LSAMP: variants seen among roughly 807,000 people sequenced by gnomAD.
LSAMP encodes limbic system associated membrane protein.
In LSAMP, 7 loss-of-function variants were observed where a neutral mutation model predicts 38.6. That is an observed-to-expected ratio of 0.18 (90% CI 0.10 to 0.34). The LOEUF (loss-of-function observed/expected upper bound fraction) is 0.34. LSAMP is among the 10% of genes least tolerant of loss of function. LSAMP has a pLI of 1.00. For missense variants in LSAMP, 313 were observed against 420.0 expected, an observed-to-expected ratio of 0.75 and a Z score of 2.23; for synonymous variants, 154 against 166.8, an observed-to-expected ratio of 0.92 and a Z score of 0.59.
chr3:116,290,217 G>A (rs2107692435), intron 1 of LSAMP, among the ~76,000 whole-genome samples: 1 of 152,280 alleles, frequency 6.6e-6, no homozygotes, highest in Admixed American at 6.5e-5. Context: ...AGGAATTGGA[G>A]TAGTAGCATT....
At chr3:115,878,338 G>A (rs1936236025) in intron 3 of LSAMP, among the ~76,000 whole-genome samples, 1 of 151,340 alleles carries the variant, frequency 6.6e-6, no homozygotes, top group Admixed American at 6.6e-5. Flanking sequence ...CAATGATGAA[G>A]TATTGTTGTT....
At chr3:115,864,447 C>T (rs1394006503) in intron 3 of LSAMP, among the ~76,000 whole-genome samples, 1 of 152,204 alleles carries the variant, frequency 6.6e-6, no homozygotes, top group African/African-American at 2.4e-5. Flanking sequence ...ATTGGTGCAG[C>T]ATCATTCCCT....
intron 2 of LSAMP, among the ~76,000 whole-genome samples, chr3:116,078,434 C>T (rs1707798380): frequency 6.6e-6 from 1 of 152,020 alleles, no homozygotes; most frequent in Admixed American, 6.6e-5. Context: ...ACTCCATTAT[C>T]CTGCCTCAGC....
At chr3:116,088,778 A>G (rs534330892) in intron 1 of LSAMP, among the ~76,000 whole-genome samples, 3 of 152,178 alleles carry the variant, frequency 2.0e-5, no homozygotes, top group Non-Finnish European at 4.4e-5. Context: ...TAAAAGAAAA[A>G]ATACCACGTA....
intron 2 of LSAMP, among the ~76,000 whole-genome samples, chr3:116,035,169 A>C (rs1304014573): frequency 6.6e-6 from 1 of 152,228 alleles, no homozygotes; most frequent in African/African-American, 2.4e-5. Context: ...GTAAAAAAGA[A>C]AAATTAGGAA....
At chr3:116,015,619 TCTTCAA>T (rs1225459735) in intron 3 of LSAMP, among the ~76,000 whole-genome samples, 1 of 152,166 alleles carries the variant, frequency 6.6e-6, no homozygotes, top group African/African-American at 2.4e-5. Context: ...TGCATAAATG[TCTTCAA>T]CTTCATCTAA....
chr3:115,853,748 C>T (rs1054996308), intron 3 of LSAMP, among the ~76,000 whole-genome samples: 1 of 152,146 alleles, frequency 6.6e-6, no homozygotes, highest in African/African-American at 2.4e-5. Flanking sequence ...CTAAACTGAA[C>T]CCCCTCACCC....
At chr3:116,391,698 C>A (rs2048701060) in intron 1 of LSAMP, among the ~76,000 whole-genome samples, 1 of 152,156 alleles carries the variant, frequency 6.6e-6, no homozygotes, top group Admixed American at 6.5e-5. Flanking sequence ...GTACTGATGG[C>A]AGCAGCAGAC....
chr3:116,195,718 G>GA (rs10631420), intron 1 of LSAMP, among the ~76,000 whole-genome samples: 74,953 of 139,362 alleles, frequency 0.54, 20,050 homozygotes, highest in East Asian at 0.69. Context: ...AAAAAAAAAT[G>GA]AAAAAAAAAA....
intron 1 of LSAMP, among the ~76,000 whole-genome samples, chr3:116,232,545 C>T (rs912786450): frequency 1.3e-5 from 2 of 152,076 alleles, no homozygotes; most frequent in African/African-American, 2.4e-5. Flanking sequence ...GTAGAACCTA[C>T]CTGGTTGCTT....
At chr3:115,826,272 G>A (rs111999818) in intron 6 of LSAMP, among the ~76,000 whole-genome samples, 3 of 151,878 alleles carry the variant, frequency 2.0e-5, no homozygotes, top group Non-Finnish European at 4.4e-5. Context: ...CTGCCACCAC[G>A]CCCGGCTAAT....
intron 3 of LSAMP, among the ~76,000 whole-genome samples, chr3:115,973,621 C>T (rs1181022038): frequency 6.6e-6 from 1 of 151,930 alleles, no homozygotes; most frequent in Non-Finnish European, 1.5e-5. Flanking sequence ...GTAATCCCAG[C>T]GACTTGGGAG....
intron 2 of LSAMP, among the ~76,000 whole-genome samples, chr3:116,033,902 T>G (rs1405291319): frequency 6.6e-6 from 1 of 152,140 alleles, no homozygotes. Flanking sequence ...GGAATTTTTC[T>G]TGCTTGACTT....
intron 3 of LSAMP, among the ~76,000 whole-genome samples, chr3:115,867,610 A>G (rs1354413068): frequency 6.6e-6 from 1 of 152,102 alleles, no homozygotes; most frequent in Non-Finnish European, 1.5e-5. Context: ...GGTGGGACAC[A>G]GGAAAATCAC....
intron 1 of LSAMP, among the ~76,000 whole-genome samples, chr3:116,134,950 A>G (rs898031333): frequency 6.6e-6 from 1 of 152,202 alleles, no homozygotes; most frequent in Non-Finnish European, 1.5e-5. Context: ...TGGGCTCTCA[A>G]TAATAGTATA....
intron 3 of LSAMP, among the ~76,000 whole-genome samples, chr3:115,997,736 A>ATATG (rs1207292819): frequency 3.6e-5 from 5 of 138,214 alleles, no homozygotes; most frequent in African/African-American, 1.4e-4. Flanking sequence ...ATATATATAT[A>ATATG]TATATATATA....
Position 116,262,641 on chromosome 3 carries a change from CAGTT to C in LSAMP, c.156-176089_156-176086del, listed in dbSNP as rs72338014. ...TACGTGAAACAGAGCCTCTAAAACT[CAGTT>C]AGACTATTGTATCAGGGAAGCTATC... On this transcript the variant is annotated intron_variant, in intron 1 of 6. Transcript: ENST00000490035. 9.4e-3 allele frequency among the ~76,000 whole-genome samples: 1,431 copies of C among 152,240 alleles called. 18 individuals carry two copies. Among genetic ancestry groups the C allele is most frequent in the African/African-American group, 0.033 (1,354 of 41,534 alleles).
chr3:116,041,818 A>AC (rs1470868715), intron 2 of LSAMP, among the ~76,000 whole-genome samples: 11 of 149,888 alleles, frequency 7.3e-5, no homozygotes, highest in Non-Finnish European at 1.2e-4. Context: ...AAACAAAACA[A>AC]AAAAAAAACA....
At chr3:115,860,214 G>A (rs986051205) in intron 3 of LSAMP, among the ~76,000 whole-genome samples, 2 of 152,190 alleles carry the variant, frequency 1.3e-5, no homozygotes, top group African/African-American at 4.8e-5. Context: ...TTTAATTCAC[G>A]ATAGTTTTAA....
Sources: gnomAD v4.1 joint callset for allele counts (sites outside exome capture counted in the v4.1 genomes callset) on GRCh38, gnomAD v4.1.1 for gene constraint, MANE v1.5 for transcripts, NCBI Gene and HGNC (gene_info 2026-07-23, HGNC 2026-07-21) for gene names.